PYY: variants seen among roughly 807,000 people sequenced by gnomAD.
The protein encoded by PYY is peptide YY, also known as peptide tyrosine tyrosine.
In PYY, 12 loss-of-function variants were observed where a neutral mutation model predicts 10.3. The ratio of observed to expected loss-of-function variants is 1.17; its 90% confidence interval spans 0.75 to 1.89. PYY has a LOEUF of 1.89. PYY is among the 40% of genes most tolerant of loss of function. The probability of loss-of-function intolerance (pLI) is 0.00; values close to 1 mark genes in which losing one functional copy is unlikely to be tolerated. For synonymous variants in PYY, 66 were observed against 62.0 expected (o/e 1.06, Z -0.30); for missense variants, 141 against 134.0 (o/e 1.05, Z -0.26).
intron 1 of PYY, among the ~76,000 whole-genome samples, chr17:43,993,048 G>A (rs527506223): frequency 5.3e-5 from 8 of 152,144 alleles, no homozygotes; most frequent in African/African-American, 1.4e-4. Context: ...GCGCTGCGAC[G>A]CACACCTGTA....
At chr17:43,980,219 A>C (rs1339455168) in intron 1 of PYY, among the ~76,000 whole-genome samples, 1 of 130,250 alleles carries the variant, frequency 7.7e-6, no homozygotes, top group Non-Finnish European at 1.5e-5. Flanking sequence ...GCTGGAGTGC[A>C]ATGGCACAAT....
At chr17:43,969,733 G>A (rs148496209) in intron 1 of PYY, among the ~76,000 whole-genome samples, 73 of 132,354 alleles carry the variant, frequency 5.5e-4, no homozygotes, top group African/African-American at 2.1e-3. Flanking sequence ...GTAAGACCCT[G>A]TCTCTACAAA....
Position 43,953,208 on chromosome 17 carries a change from A to G in PYY, c.189-19T>C. ...CCCATACCTGGGGGCGGGGAAGGGA[A>G]GAGCGTGGTCAGATCTGGCCACGCC... On this transcript the variant is annotated intron_variant, in intron 2 of 3. Transcript: ENST00000692052. 6.2e-7 allele frequency: 1 copy of G among 1,611,634 alleles called. No homozygotes were observed. The highest frequency in any genetic ancestry group is 1.3e-5 in the African/African-American group (1 of 74,878).
chr17:44,001,019 G>A (rs1299905709), intron 1 of PYY, among the ~76,000 whole-genome samples: 1 of 152,040 alleles, frequency 6.6e-6, no homozygotes, highest in African/African-American at 2.4e-5. Context: ...TTGTACACCC[G>A]TGTGTCTACA....
At chr17:43,957,674 C>A (rs951233617), upstream of PYY, among the ~76,000 whole-genome samples, 1 of 151,518 alleles carries the variant, frequency 6.6e-6, no homozygotes, top group Admixed American at 6.6e-5. Context: ...TGAATAAATA[C>A]ATAAATAAAT....
intron 1 of PYY, among the ~76,000 whole-genome samples, chr17:43,976,543 G>A (rs1021791964): frequency 1.1e-4 from 16 of 151,918 alleles, no homozygotes; most frequent in South Asian, 2.1e-4. Context: ...AGGCTGAGGC[G>A]GGTGGATCAC....
At chr17:43,989,631 A>C (rs2048939390) in intron 1 of PYY, among the ~76,000 whole-genome samples, 1 of 151,260 alleles carries the variant, frequency 6.6e-6, no homozygotes, top group Non-Finnish European at 1.5e-5. Context: ...AAAAATTCAG[A>C]TGGCAAATAT....
intron 1 of PYY, among the ~76,000 whole-genome samples, chr17:43,998,725 C>A (rs565157354): frequency 6.6e-6 from 1 of 152,132 alleles, no homozygotes; most frequent in African/African-American, 2.4e-5. Flanking sequence ...TGAGTCACTA[C>A]GCCCAGCTGA....
intron 2 of PYY, among the ~76,000 whole-genome samples, chr17:43,959,378 G>T (rs2048696379): frequency 6.6e-6 from 1 of 152,146 alleles, no homozygotes; most frequent in Non-Finnish European, 1.5e-5. Flanking sequence ...AACAACCAAA[G>T]AATTTTTAAA....
intron 1 of PYY, among the ~76,000 whole-genome samples, chr17:43,990,537 G>A (rs762956782): frequency 6.6e-6 from 1 of 151,776 alleles, no homozygotes; most frequent in Non-Finnish European, 1.5e-5. Context: ...CAGCTTCTGG[G>A]CACTTGCTGA....
intron 1 of PYY, among the ~76,000 whole-genome samples, chr17:43,971,937 C>A (rs1362923911): frequency 6.6e-6 from 1 of 151,918 alleles, no homozygotes. Context: ...TTTGCCTAAA[C>A]TGAGGTCATG....
chr17:43,976,228 T>TACATATATAC (rs2048839684), intron 1 of PYY, among the ~76,000 whole-genome samples: 1 of 143,932 alleles, frequency 6.9e-6, no homozygotes, highest in Non-Finnish European at 1.5e-5. Context: ...TATACATATA[T>TACATATATAC]ACATATGCGT....
intron 1 of PYY, among the ~76,000 whole-genome samples, chr17:43,976,103 A>G (rs1313700141): frequency 9.4e-6 from 1 of 106,676 alleles, no homozygotes; most frequent in African/African-American, 3.9e-5. Context: ...ATGCATATAT[A>G]CGTGTATACA....
intron 1 of PYY, among the ~76,000 whole-genome samples, chr17:43,997,419 T>A (rs770090597): frequency 2.4e-4 from 36 of 152,118 alleles, no homozygotes; most frequent in Non-Finnish European, 4.6e-4. Flanking sequence ...GCAGAAAATG[T>A]CCCAAGTAGA....
chr17:43,970,511 A>C (rs1273726217), intron 1 of PYY, among the ~76,000 whole-genome samples: 1 of 152,172 alleles, frequency 6.6e-6, no homozygotes, highest in Non-Finnish European at 1.5e-5. Flanking sequence ...TGTCTAAAAA[A>C]AAAAAAAAGA....
intron 1 of PYY, among the ~76,000 whole-genome samples, chr17:43,992,638 C>T (rs1408270027): frequency 2.0e-5 from 3 of 151,942 alleles, no homozygotes; most frequent in South Asian, 2.1e-4. Context: ...ACCTGGGAGG[C>T]GGAGGTTGCC....
At chr17:43,980,158 T>C (rs866954105) in intron 1 of PYY, among the ~76,000 whole-genome samples, 1,472 of 21,446 alleles carry the variant, frequency 0.069, 37 homozygotes, top group African/African-American at 0.11. Context: ...CCCTCCACCT[T>C]TTTTTTTTTT....
rs573371693 is a variant in PYY, at chr17:43,992,783, G to A, written c.-463+11608C>T. On this transcript the variant is annotated intron_variant, in intron 1 of 6. Coordinates refer to the PYY transcript ENST00000360085. The stretch of plus-strand genomic sequence containing the variant: ...CGCCTGTAATCCCATCTATTCGGGA[G>A]GCTGAGGCACGCGAATCACTTGATG... Among the ~76,000 whole-genome samples, 22 of 152,292 alleles carry A rather than the reference G, an allele frequency of 1.4e-4. No individual in the cohort carries two copies. The South Asian group carries it at 3.7e-3, about 26-fold the overall frequency.
At chr17:44,000,050 G>T (rs562830690) in intron 1 of PYY, among the ~76,000 whole-genome samples, 54 of 152,170 alleles carry the variant, frequency 3.5e-4, no homozygotes, top group African/African-American at 1.3e-3. Context: ...GCCTCACTCT[G>T]TTGCCCACGT....
Sources: gnomAD v4.1 joint callset for allele counts (sites outside exome capture counted in the v4.1 genomes callset) on GRCh38, gnomAD v4.1.1 for gene constraint, MANE v1.5 for transcripts, NCBI Gene and HGNC (gene_info 2026-07-23, HGNC 2026-07-21) for gene names.